UBE2Q1: variants seen among roughly 807,000 people sequenced by gnomAD.
UBE2Q1 encodes ubiquitin-conjugating enzyme E2 Q1.
In UBE2Q1, 6 loss-of-function variants were observed where a neutral mutation model predicts 60.1. The observed-to-expected ratio is 0.10, with a 90% CI of 0.05 to 0.20. UBE2Q1 has a LOEUF of 0.20. UBE2Q1 is among the 10% of genes least tolerant of loss of function. UBE2Q1 has a pLI of 1.00. For missense variants in UBE2Q1, 262 were observed against 525.8 expected (o/e 0.50, Z 4.91); for synonymous variants, 226 against 208.3 (o/e 1.09, Z -0.73).
In UBE2Q1 at chr1:154,555,537, A is replaced by G. The variant is rs1365680525; in HGVS notation, c.433-5T>C. ...CCTCTTCAGATGCTGCAATAGCTACAGGTAGGGGAGCACAGAGACATCAAA... is the reference window on the plus strand; with the variant it reads ...CCTCTTCAGATGCTGCAATAGCTACGGGTAGGGGAGCACAGAGACATCAAA... On this transcript the variant is annotated splice_polypyrimidine_tract_variant and splice_region_variant and intron_variant, in intron 2 of 12. Coordinates refer to ENST00000292211, the MANE Select transcript of UBE2Q1 (RefSeq NM_017582.7). The G allele has an allele frequency of 1.2e-6, 2 of 1,612,918 alleles. No individual in the cohort carries two copies. Among genetic ancestry groups the G allele is most frequent in the Non-Finnish European group, 1.7e-6 (2 of 1,179,028 alleles).
intron 11 of UBE2Q1, 64 bp downstream of exon 11, chr1:154,551,333 G>A: frequency 6.5e-7 from 1 of 1,546,918 alleles, no homozygotes; most frequent in South Asian, 1.1e-5. Flanking sequence ...GCCTTGGCCT[G>A]CTAGTGGCCC....
intron 4 of UBE2Q1, 195 bp downstream of exon 4, chr1:154,554,540 G>C: frequency 1.8e-6 from 1 of 555,356 alleles, no homozygotes. Context: ...GAACCGCGCT[G>C]CACCTGTCTT....
At position 154,550,131 on chromosome 1, in the gene UBE2Q1, A is replaced by G; in HGVS notation, c.*307T>C. Reference sequence around the variant, plus strand: ...CATAGGTAAGGAGGCTCTAGTCTGGAGCACAGCTGAGTTTCCAGCAATATA... The same window carrying G: ...CATAGGTAAGGAGGCTCTAGTCTGGGGCACAGCTGAGTTTCCAGCAATATA... On this transcript the variant is annotated 3_prime_UTR_variant, in exon 13 of 13. Coordinates refer to ENST00000292211, the MANE Select transcript of UBE2Q1 (RefSeq NM_017582.7). 1 of 376,376 alleles carries G rather than the reference A, an allele frequency of 2.7e-6. No homozygotes were observed. Among genetic ancestry groups the G allele is most frequent in the Non-Finnish European group, 4.8e-6 (1 of 207,958 alleles). 23.3% of individuals were successfully genotyped at this position (376,376 alleles called of 1,614,324 possible).
rs1695795980 is a variant in UBE2Q1 at position 154,551,903 on chromosome 1, C to T, written c.1025+18G>A. The T allele has an allele frequency of 6.2e-6, 10 of 1,614,022 alleles. No homozygotes were observed. The highest frequency in any genetic ancestry group is 2.7e-5 in the African/African-American group (2 of 74,908). ...CTCTGCCAGAGGAGATGCCCTCTTC[C>T]GCATGCCAGCCACTCACCCTCCAGA... On this transcript the variant is annotated intron_variant, in intron 9 of 12. Coordinates refer to ENST00000292211, the MANE Select transcript of UBE2Q1 (RefSeq NM_017582.7).
rs1157757408 is a variant in UBE2Q1, at chr1:154,550,064, C to T, written c.*374G>A. 1 of 197,046 alleles carries T rather than the reference C, an allele frequency of 5.1e-6. No individual in the cohort carries two copies. The highest frequency in any genetic ancestry group is 1.0e-5 in the Non-Finnish European group (1 of 97,546). The allele number at this position is 197,046 out of a possible 1,614,324, so 12.2% of individuals were successfully genotyped here. On this transcript the variant is annotated 3_prime_UTR_variant, in exon 13 of 13. Coordinates refer to ENST00000292211, the MANE Select transcript of UBE2Q1 (RefSeq NM_017582.7). ...CATCATACACTGTAACCAAAAAAAG[C>T]AGTGTACATGAAATAAGAGAAAATA...
intron 2 of UBE2Q1, 95 bp from the exon 3 acceptor site, chr1:154,555,627 A>G: frequency 8.2e-7 from 1 of 1,218,550 alleles, no homozygotes; most frequent in South Asian, 1.2e-5. Context: ...CACACCAATA[A>G]CTAGTTCTCT....
chr1:154,553,268 G>C (rs1251333704), intron 4 of UBE2Q1, 96 bp from the exon 5 acceptor site: 33 of 1,487,658 alleles, frequency 2.2e-5, no homozygotes, highest in Middle Eastern at 4.7e-4. Context: ...TTGGCGAAGA[G>C]CCAAAAGTTA....
rs373461148 is a variant in UBE2Q1 at position 154,552,547 on chromosome 1, G to C, written c.815-83C>G. 163 of 1,544,312 alleles carry C rather than the reference G, an allele frequency of 1.1e-4. No individual in the cohort carries two copies. In the African/African-American group the frequency reaches 1.5e-3, roughly 14 times the overall value. On this transcript the variant is annotated intron_variant, in intron 6 of 12. Transcript: ENST00000292211. The stretch of plus-strand genomic sequence containing the variant: ...AATGCAGACCCCTTTCCCAGACTGA[G>C]AGAAAAAGATCAACAGCTCTAGGTT...
At chr1:154,552,630 A>C in intron 6 of UBE2Q1, 106 bp downstream of exon 6, 1 of 1,465,664 alleles carries the variant, frequency 6.8e-7, no homozygotes, top group Non-Finnish European at 9.3e-7. Flanking sequence ...TCTTGGCCTG[A>C]AAAGTTCATA....
At chr1:154,551,694 C>G in intron 10 of UBE2Q1, 77 bp downstream of exon 10, 1 of 1,588,596 alleles carries the variant, frequency 6.3e-7, no homozygotes, top group Non-Finnish European at 8.6e-7. Context: ...TATCACCCAG[C>G]CCGTAGGGGT....
Position 154,549,472 on chromosome 1 carries a change from T to C in UBE2Q1, c.*966A>G, listed in dbSNP as rs1483269756. 2 of 152,584 alleles carry C rather than the reference T, an allele frequency of 1.3e-5. No individual in the cohort carries two copies. The highest frequency in any genetic ancestry group is 4.8e-5 in the African/African-American group (2 of 41,446). 9.5% of individuals were successfully genotyped at this position (152,584 alleles called of 1,614,324 possible). A position where few individuals can be genotyped will look rare whatever the true frequency, so the allele number is the denominator to read the frequency against. On this transcript the variant is annotated 3_prime_UTR_variant, in exon 13 of 13. Coordinates refer to ENST00000292211, the MANE Select transcript of UBE2Q1 (RefSeq NM_017582.7). ...GAGGGAGGTGAGCAAAGCTTACCAA[T>C]GATCACCATCCAGTGCTGGTTAGAA... is the stretch of plus-strand genomic sequence containing the variant.
intron 4 of UBE2Q1, chr1:154,553,596 T>G (rs374283824): frequency 8.5e-4 from 139 of 163,272 alleles, no homozygotes; most frequent in Non-Finnish European, 1.3e-3. Flanking sequence ...CCGGGAGTTC[T>G]CAGGGCCCCA....
Position 154,558,219 on chromosome 1 carries a change from G to T in UBE2Q1, c.327+8C>A, listed in dbSNP as rs1252851533. 6.6e-7 allele frequency: 1 copy of T among 1,524,262 alleles called. No homozygotes were observed. Among genetic ancestry groups the T allele is most frequent in the South Asian group, 1.2e-5 (1 of 81,000 alleles). The allele number at this position is 1,524,262 out of a possible 1,614,324, so 94.4% of individuals were successfully genotyped here. ...CCCCCACAGAGGCGCACGCGAGGGGGTCCTCACCGTGATGTTGCAGTGGAT... is the reference window on the plus strand; with the variant it reads ...CCCCCACAGAGGCGCACGCGAGGGGTTCCTCACCGTGATGTTGCAGTGGAT... On this transcript the variant is annotated splice_region_variant and intron_variant, in intron 1 of 12. Coordinates refer to ENST00000292211, the MANE Select transcript of UBE2Q1 (RefSeq NM_017582.7).
In UBE2Q1 at chr1:154,550,399, A is replaced by C; in HGVS notation, c.*39T>G. On this transcript the variant is annotated 3_prime_UTR_variant, in exon 13 of 13. Coordinates refer to ENST00000292211, the MANE Select transcript of UBE2Q1 (RefSeq NM_017582.7). ...TACAGCATTCAAAGGTAATTGGTCC[A>C]GTGGTGCCTGGGGAGGGAGGAAGGG... 1 of 1,613,688 alleles carries C rather than the reference A, an allele frequency of 6.2e-7. No individual in the cohort carries two copies. Among genetic ancestry groups the C allele is most frequent in the Non-Finnish European group, 8.5e-7 (1 of 1,179,696 alleles).
chr1:154,551,194 G>C (rs1368161927), intron 11 of UBE2Q1, 190 bp from the exon 12 acceptor site: 3 of 848,468 alleles, frequency 3.5e-6, no homozygotes, highest in Non-Finnish European at 5.5e-6. Flanking sequence ...TTCCAGACCC[G>C]AAACCTCCCA....
At position 154,548,905 on chromosome 1, in the gene UBE2Q1, A is replaced by C. The variant is rs1695744783; in HGVS notation, c.*1533T>G. ...TCCACCTAAAGCAGCAAACATTAAAAGTCCCTCAAAAGAAAAGGGGTAGGG... is the reference window on the plus strand; with the variant it reads ...TCCACCTAAAGCAGCAAACATTAAACGTCCCTCAAAAGAAAAGGGGTAGGG... On this transcript the variant is annotated 3_prime_UTR_variant, in exon 13 of 13. Transcript: ENST00000292211. The C allele has an allele frequency of 6.5e-6, 1 of 152,710 alleles. No individual in the cohort carries two copies. The highest frequency in any genetic ancestry group is 1.9e-4 in the East Asian group (1 of 5,200). The allele number at this position is 152,710 out of a possible 1,614,324, so 9.5% of individuals were successfully genotyped here.
chr1:154,556,924 G>A (rs1695899473), intron 1 of UBE2Q1, among the ~76,000 whole-genome samples: 1 of 152,186 alleles, frequency 6.6e-6, no homozygotes, highest in Non-Finnish European at 1.5e-5. Context: ...CACCTCTACT[G>A]GGTATCTTAG....
At chr1:154,552,493 T>C (rs1361929144) in intron 6 of UBE2Q1, 29 bp from the exon 7 acceptor site, 5 of 1,613,592 alleles carry the variant, frequency 3.1e-6, no homozygotes, top group Admixed American at 1.7e-5. Flanking sequence ...CAGGTGTTAG[T>C]AGAATGGTCC....
intron 9 of UBE2Q1, 32 bp from the exon 10 acceptor site, chr1:154,551,851 AC>A: frequency 6.2e-7 from 1 of 1,614,192 alleles, no homozygotes. Context: ...GCTGTGCCTG[AC>A]AAAATCTCCA....
Sources: allele counts gnomAD v4.1 joint callset (sites outside exome capture counted in the v4.1 genomes callset), GRCh38; gene constraint gnomAD v4.1.1; transcripts MANE v1.5; gene names NCBI Gene and HGNC (gene_info 2026-07-23, HGNC 2026-07-21).